ANKRD18A: variants seen among roughly 807,000 people sequenced by gnomAD.
The protein encoded by ANKRD18A is ankyrin repeat domain-containing protein 18A.
In ANKRD18A, 72 loss-of-function variants were observed where a neutral mutation model predicts 110.6. The observed-to-expected ratio is 0.65, with a 90% CI of 0.54 to 0.79. The LOEUF (loss-of-function observed/expected upper bound fraction) is 0.79, where lower values mean the gene tolerates loss of function less well. Among genes scored for constraint, ANKRD18A ranks in the 30% least tolerant of loss-of-function variants. The pLI, the probability that ANKRD18A is intolerant of heterozygous loss-of-function variation, is 0.00. For missense variants in ANKRD18A, 934 were observed against 1,163.3 expected (o/e 0.80, Z 2.87); for synonymous variants, 305 against 410.3 (o/e 0.74, Z 3.10).
chr9:38,606,620 T>C (rs1296583306), intron 6 of ANKRD18A, among the ~76,000 whole-genome samples: 3 of 152,222 alleles, frequency 2.0e-5, no homozygotes, highest in Non-Finnish European at 2.9e-5. Context: ...AGGTTATTAG[T>C]AGTTACGTTT....
At chr9:38,602,138 C>A (rs1027402782) in intron 7 of ANKRD18A, among the ~76,000 whole-genome samples, 37 of 150,406 alleles carry the variant, frequency 2.5e-4, no homozygotes, top group Non-Finnish European at 1.3e-4. Context: ...ACTTCACCAT[C>A]TGAGCTGCAC....
At chr9:38,574,896 C>T (rs575114614) in intron 15 of ANKRD18A, among the ~76,000 whole-genome samples, 4 of 151,982 alleles carry the variant, frequency 2.6e-5, no homozygotes, top group African/African-American at 7.2e-5. Flanking sequence ...GAGTTCGAGA[C>T]CTGCCTGGCC....
At position 38,596,246 on chromosome 9, in the gene ANKRD18A, A is replaced by G; in HGVS notation, c.1094T>C (p.Ile365Thr). The G allele has an allele frequency of 6.5e-7, 1 of 1,535,120 alleles. No individual in the cohort carries two copies. ...YIQEIKSITE[I>T]NANFEKSVRL... Reference sequence around the variant, plus strand: ...TACACTCTTTTCAAAGTTAGCATTTATTTCTGTAATGCTTTTAATTTCCTG... The same window carrying G: ...TACACTCTTTTCAAAGTTAGCATTTGTTTCTGTAATGCTTTTAATTTCCTG... Residue 365 changes from isoleucine to threonine, a missense_variant, in exon 9 of 16, where the codon ATA becomes ACA. Around this residue, in one of 4 missense-constraint regions of ANKRD18A, gnomAD observed 630 missense variants for 797.5 expected, o/e 0.79. Transcript: ENST00000399703.
At chr9:38,590,097 GC>G (rs1824574814) in intron 10 of ANKRD18A, among the ~76,000 whole-genome samples, 1 of 152,008 alleles carries the variant, frequency 6.6e-6, no homozygotes, top group Non-Finnish European at 1.5e-5. Context: ...TTGAAGGGGG[GC>G]TGTCTCACCC....
At chr9:38,598,448 CAT>C (rs1191611050) in intron 8 of ANKRD18A, among the ~76,000 whole-genome samples, 2 of 152,178 alleles carry the variant, frequency 1.3e-5, no homozygotes, top group Non-Finnish European at 2.9e-5. Context: ...TAACTATACA[CAT>C]GAGATTTTCT....
At chr9:38,566,507 A>T (rs1389189421), downstream of ANKRD18A, 2 of 152,216 alleles carry the variant, frequency 1.3e-5, no homozygotes, top group Non-Finnish European at 2.9e-5. Context: ...AAGATGGTCC[A>T]AACCTTCTCA....
At chr9:38,595,359 T>C in intron 9 of ANKRD18A, 127 bp downstream of exon 9, 3 of 943,108 alleles carry the variant, frequency 3.2e-6, no homozygotes, top group South Asian at 2.4e-5. Context: ...TTCATGTAAA[T>C]GGAATTATAC....
chr9:38,611,094 T>TACTATATGCCA (rs1489735549), intron 4 of ANKRD18A, 121 bp downstream of exon 4: 1 of 1,426,922 alleles, frequency 7.0e-7, no homozygotes, highest in Non-Finnish European at 9.2e-7. Context: ...TGTTACTTTT[T>TACTATATGCCA]ACTATATGCC....
At chr9:38,568,624 C>T, downstream of ANKRD18A, 4 of 738,146 alleles carry the variant, frequency 5.4e-6, no homozygotes, top group Non-Finnish European at 6.6e-6. Context: ...CAGGCACACC[C>T]TTGCAGAGGT....
intron 15 of ANKRD18A, among the ~76,000 whole-genome samples, chr9:38,574,556 A>G (rs779379308): frequency 6.6e-6 from 1 of 152,038 alleles, no homozygotes; most frequent in African/African-American, 2.4e-5. Context: ...TCCTCAGGTG[A>G]TCCGCCTGCC....
Position 38,571,818 on chromosome 9 carries a change from A to G in ANKRD18A, c.*227T>C, listed in dbSNP as rs1823656019. The G allele has an allele frequency of 1.7e-6, 2 of 1,175,238 alleles. No homozygotes were observed. Among genetic ancestry groups the G allele is most frequent in the Non-Finnish European group, 2.1e-6 (2 of 945,032 alleles). The allele number at this position is 1,175,238 out of a possible 1,614,324, so 72.8% of individuals were successfully genotyped here. On this transcript the variant is annotated 3_prime_UTR_variant, in exon 16 of 16. Coordinates refer to ENST00000399703, the MANE Select transcript of ANKRD18A (RefSeq NM_147195.4). ...AGGCTAAAAAACATCATTTAAAATAACATATAAATATACACCATATGTGAC... is the reference window on the plus strand; with the variant it reads ...AGGCTAAAAAACATCATTTAAAATAGCATATAAATATACACCATATGTGAC...
rs529818981 is a variant in ANKRD18A at position 38,614,256 on chromosome 9, G to A, written c.495+1338C>T. Among the ~76,000 whole-genome samples the A allele has an allele frequency of 9.8e-4, 114 of 115,966 alleles. 2 individuals carry two copies. In the East Asian group the frequency reaches 0.024, roughly 25 times the overall value. 76.1% of individuals were successfully genotyped at this position (115,966 alleles called of 152,430 possible). ...TTTTTTTTTTTTTGCTCTTGTTGTG[G>A]TAAGAGACAAGAGTCTTACTATGTA... On this transcript the variant is annotated intron_variant, in intron 3 of 15. Coordinates refer to ENST00000399703, the MANE Select transcript of ANKRD18A (RefSeq NM_147195.4).
At chr9:38,597,550 G>T (rs1209620967) in intron 8 of ANKRD18A, among the ~76,000 whole-genome samples, 1 of 152,096 alleles carries the variant, frequency 6.6e-6, no homozygotes, top group Non-Finnish European at 1.5e-5. Flanking sequence ...CTCACCCAAA[G>T]CTCCTAAGGT....
chr9:38,569,337 A>T (rs1587472849), downstream of ANKRD18A: 1 of 984,690 alleles, frequency 1.0e-6, no homozygotes, highest in South Asian at 4.7e-5. Flanking sequence ...AGAGGCCAAA[A>T]CCACCCACCC....
Position 38,599,584 on chromosome 9 carries a change from C to T in ANKRD18A, c.936+1547G>A, listed in dbSNP as rs146621376. 6.5e-3 allele frequency among the ~76,000 whole-genome samples: 986 copies of T among 152,124 alleles called. 12 individuals are homozygous for T. The highest frequency in any genetic ancestry group is 9.0e-3 in the Non-Finnish European group (612 of 68,014). ...GGTTCAAGCAATTCTCCTGCCTCAG[C>T]CTCCCGAGTAGCTGGGATTACAGGC... On this transcript the variant is annotated intron_variant, in intron 8 of 15. Transcript: ENST00000399703.
chr9:38,615,870 T>C, intron 2 of ANKRD18A, 60 bp downstream of exon 2: 1 of 1,523,810 alleles, frequency 6.6e-7, no homozygotes, highest in Non-Finnish European at 8.8e-7. Context: ...ACAAATTCAT[T>C]TTAATTCTAT....
chr9:38,585,202 C>A (rs1824329708), intron 12 of ANKRD18A, among the ~76,000 whole-genome samples: 2 of 152,192 alleles, frequency 1.3e-5, no homozygotes, highest in African/African-American at 4.8e-5. Context: ...TCTATTTTCT[C>A]TGAGGGCTGC....
rs184158008 is a variant in ANKRD18A, at chr9:38,606,100, C to A, written c.808+1326G>T. 4.9e-3 allele frequency among the ~76,000 whole-genome samples: 743 copies of A among 152,284 alleles called. 8 individuals carry two copies. The highest frequency in any genetic ancestry group is 0.016 in the African/African-American group (684 of 41,536). On this transcript the variant is annotated intron_variant, in intron 6 of 15. Transcript: ENST00000399703. ...ACTTCTGCTTCTTGGAAAGGAATTA[C>A]TTTTCTGTCTTCTGCATTCAGTAGC... is the stretch of plus-strand genomic sequence containing the variant.
intron 12 of ANKRD18A, 29 bp downstream of exon 12, chr9:38,586,154 A>G (rs772374258): frequency 1.3e-6 from 2 of 1,557,364 alleles, no homozygotes; most frequent in East Asian, 2.4e-5. Flanking sequence ...TCTAGACCTT[A>G]AGATAAAATA....
Sources: gnomAD v4.1 joint callset for allele counts (sites outside exome capture counted in the v4.1 genomes callset) on GRCh38, gnomAD v4.1.1 for gene constraint, gnomAD v4.1.1 regional missense constraint, MANE v1.5 for transcripts, NCBI Gene and HGNC (gene_info 2026-07-23, HGNC 2026-07-21) for gene names.